Variants in RALGAPA2 observed in about 807,000 individuals in gnomAD.
RALGAPA2 encodes the protein Ral GTPase activating protein catalytic subunit alpha 2.
In RALGAPA2, 139 loss-of-function variants were observed where a neutral mutation model predicts 230.4. The ratio of observed to expected loss-of-function variants is 0.60; its 90% confidence interval spans 0.53 to 0.69. The LOEUF is 0.69. Ranked by LOEUF, RALGAPA2 falls within the 30% of genes least tolerant of loss-of-function variation. RALGAPA2 has a pLI of 0.00. For synonymous variants in RALGAPA2, 847 were observed against 837.8 expected (o/e 1.01, Z -0.19); for missense variants, 2,163 against 2,276.0 (o/e 0.95, Z 1.01).
In RALGAPA2 at chr20:20,572,997, A is replaced by G. The variant is rs778562243; in HGVS notation, c.2779T>C (p.Ser927Pro). 20 of 1,610,482 alleles carry G rather than the reference A, an allele frequency of 1.2e-5. No individual in the cohort carries two copies. In the South Asian group the frequency reaches 2.1e-4, roughly 17 times the overall value. ...ACCCTTCGCCATAACACAGCAGCAG[A>G]GTCTGGGTGCCAACCAGTGAGGCTC... ...GGSLTGWHPD[S>P]AAVLWRRVLG... Residue 927 changes from serine (S) to proline (P), a missense_variant, in exon 21 of 40, where the codon TCT becomes CCT. Physicochemically the swap from Ser to Pro is moderately conservative, Grantham distance 74. Transcript: ENST00000202677.
chr20:20,458,719 T>C lies in RALGAPA2; in HGVS notation c.5495+14110A>G, dbSNP rs548387064. ...ATATATATACACACACACACCTATA[T>C]ATATATATACACACACCTATATATA... On this transcript the variant is annotated intron_variant, in intron 37 of 39. Coordinates refer to ENST00000202677, the MANE Select transcript of RALGAPA2 (RefSeq NM_020343.4). 5.4e-3 allele frequency among the ~76,000 whole-genome samples: 721 copies of C among 134,470 alleles called. 13 individuals are homozygous for C. Among genetic ancestry groups the C allele is most frequent in the African/African-American group, 0.019 (687 of 36,130 alleles). The allele number at this position is 134,470 out of a possible 152,430, so 88.2% of individuals were successfully genotyped here.
chr20:20,549,473 G>A (rs1231771994), intron 23 of RALGAPA2, among the ~76,000 whole-genome samples: 2 of 152,110 alleles, frequency 1.3e-5, no homozygotes, highest in African/African-American at 2.4e-5. Flanking sequence ...ACGTAAGACA[G>A]CGCCCTGAGG....
At chr20:20,635,757 A>C in intron 8 of RALGAPA2, 140 bp from the exon 9 acceptor site, 1 of 690,696 alleles carries the variant, frequency 1.4e-6, no homozygotes, top group East Asian at 3.0e-5. Flanking sequence ...GCAATTATTT[A>C]AAATGGCATT....
intron 2 of RALGAPA2, among the ~76,000 whole-genome samples, chr20:20,679,121 G>C (rs2068436487): frequency 6.6e-6 from 1 of 151,940 alleles, no homozygotes; most frequent in Admixed American, 6.6e-5. Flanking sequence ...CCAAGCTCCA[G>C]TCACCTATAT....
Position 20,468,440 on chromosome 20 carries a change from T to TC in RALGAPA2, c.5495+4388_5495+4389insG, listed in dbSNP as rs2061468124. Among the ~76,000 whole-genome samples the TC allele has an allele frequency of 3.3e-5, 5 of 151,152 alleles. No homozygotes were observed. The South Asian group carries it at 1.1e-3, about 32-fold the overall frequency. ...ACGTGTTGACCTCACTCAGGAGTGT[T>TC]TCTTTGTGGTGCTGCTACTATCTGA... On this transcript the variant is annotated intron_variant, in intron 37 of 39. Coordinates refer to ENST00000202677, the MANE Select transcript of RALGAPA2 (RefSeq NM_020343.4).
At chr20:20,685,004 C>T (rs1230156281) in intron 1 of RALGAPA2, among the ~76,000 whole-genome samples, 2 of 151,452 alleles carry the variant, frequency 1.3e-5, no homozygotes, top group African/African-American at 2.4e-5. Context: ...TCAGGGAAGA[C>T]AATCACAGGC....
chr20:20,686,632 C>G (rs981285467), intron 1 of RALGAPA2, among the ~76,000 whole-genome samples: 1 of 151,950 alleles, frequency 6.6e-6, no homozygotes, highest in Non-Finnish European at 1.5e-5. Context: ...GAGCTTCAGT[C>G]AGCATTATAG....
chr20:20,460,738 G>T (rs1479210358), intron 37 of RALGAPA2, among the ~76,000 whole-genome samples: 3 of 152,068 alleles, frequency 2.0e-5, no homozygotes, highest in East Asian at 1.9e-4. Context: ...ACCCACTGAG[G>T]AAACTGGCGG....
chr20:20,546,867 T>C (rs764000509), intron 23 of RALGAPA2, 35 bp from the exon 24 acceptor site: 3 of 1,543,116 alleles, frequency 1.9e-6, no homozygotes, highest in Non-Finnish European at 8.7e-7. Flanking sequence ...ACAATCGTAA[T>C]GTTCAAACAC....
Position 20,712,376 on chromosome 20 carries a change from C to T in RALGAPA2, c.105G>A (p.Leu35=). 6.5e-7 allele frequency: 1 copy of T among 1,547,974 alleles called. No individual in the cohort carries two copies. The change falls in exon 1 of 40, where the codon CTG becomes CTA. Residue 35 remains leucine (L), a splice_region_variant and synonymous_variant. Transcript: ENST00000202677. The surrounding 1 kb of genome is among the most constrained non-coding windows in gnomAD (Gnocchi z 5.5). Reference sequence around the variant, plus strand: ...CCCCGCGCCCGGCGCGCGCCTCACCCAGCAGCGCCCGCAGGTGCTTCAGGC... The same window carrying T: ...CCCCGCGCCCGGCGCGCGCCTCACCTAGCAGCGCCCGCAGGTGCTTCAGGC... The part of the protein sequence containing the change: ...LTRLKHLRAL[L]DNVDANDLKQ...
intron 5 of RALGAPA2, among the ~76,000 whole-genome samples, chr20:20,642,838 C>T (rs1452472961): frequency 6.6e-6 from 1 of 152,046 alleles, no homozygotes; most frequent in Admixed American, 6.6e-5. Context: ...AATATATTAG[C>T]TTATTAAAGG....
chr20:20,661,414 C>A (rs1309247925), intron 3 of RALGAPA2, among the ~76,000 whole-genome samples: 2 of 152,190 alleles, frequency 1.3e-5, no homozygotes, highest in Non-Finnish European at 2.9e-5. Context: ...CCCACCTCGG[C>A]CTCCCAAAGT....
At chr20:20,414,054 C>T (rs572802542) in intron 37 of RALGAPA2, among the ~76,000 whole-genome samples, 5 of 152,384 alleles carry the variant, frequency 3.3e-5, no homozygotes, top group East Asian at 1.9e-4. Flanking sequence ...AACAGCAGGA[C>T]GTTAGGCCTG....
Position 20,396,716 on chromosome 20 carries a change from G to GACCTTT in RALGAPA2, c.*8_*13dup, listed in dbSNP as rs1474552243. On this transcript the variant is annotated 3_prime_UTR_variant, in exon 39 of 40. Transcript: ENST00000202677. ...TTACCTTGCTCAAATATTGAAATGA[G>GACCTTT]ACCTTTACGTGTTTTAATCTGAAGG... The GACCTTT allele has an allele frequency of 1.2e-6, 2 of 1,610,236 alleles. No homozygotes were observed. Among genetic ancestry groups the GACCTTT allele is most frequent in the African/African-American group, 2.7e-5 (2 of 74,834 alleles).
chr20:20,665,728 C>T (rs192123487), intron 3 of RALGAPA2, among the ~76,000 whole-genome samples: 7 of 152,310 alleles, frequency 4.6e-5, no homozygotes, highest in Admixed American at 2.6e-4. Context: ...TCCCACCTTC[C>T]GGTTTGTACA....
intron 37 of RALGAPA2, among the ~76,000 whole-genome samples, chr20:20,443,574 C>T (rs1047973943): frequency 3.3e-5 from 5 of 152,170 alleles, no homozygotes; most frequent in African/African-American, 1.2e-4. Flanking sequence ...TCCAGCATCC[C>T]TAACTTCTTT....
intron 38 of RALGAPA2, among the ~76,000 whole-genome samples, chr20:20,397,468 G>A (rs533808510): frequency 1.3e-5 from 2 of 152,230 alleles, no homozygotes; most frequent in South Asian, 2.1e-4. Context: ...TATTTCCTAC[G>A]GCGGGGTTTC....
chr20:20,676,122 A>G (rs977119891), intron 3 of RALGAPA2, 114 bp downstream of exon 3: 4 of 691,828 alleles, frequency 5.8e-6, no homozygotes, highest in Non-Finnish European at 9.2e-6. Flanking sequence ...AGGAAAGAAA[A>G]AAATATATGT....
chr20:20,675,645 G>A (rs1218198785), intron 3 of RALGAPA2, among the ~76,000 whole-genome samples: 3 of 152,078 alleles, frequency 2.0e-5, no homozygotes, highest in African/African-American at 7.2e-5. Flanking sequence ...AGCTTAATAA[G>A]TCAAAAACCA....
Sources: gnomAD v4.1 joint callset for allele counts (sites outside exome capture counted in the v4.1 genomes callset) on GRCh38, gnomAD v4.1.1 for gene constraint, Gnocchi (gnomAD v3.1) non-coding constraint, MANE v1.5 for transcripts, NCBI Gene and HGNC (gene_info 2026-07-23, HGNC 2026-07-21) for gene names.